The following PNISR variants were observed in gnomAD, a reference collection of about 807,000 sequenced individuals.
PNISR encodes the protein arginine/serine-rich protein PNISR.
Under a neutral mutation model 93.4 loss-of-function variants are expected in PNISR, and 20 were observed. The observed-to-expected ratio is 0.21, with a 90% confidence interval of 0.15 to 0.31. The LOEUF (loss-of-function observed/expected upper bound fraction) is 0.31, where lower values mean the gene tolerates loss of function less well. PNISR is among the 10% of genes least tolerant of loss of function. The probability of loss-of-function intolerance (pLI) is 1.00; values close to 1 mark genes in which losing one functional copy is unlikely to be tolerated. For missense variants in PNISR, 893 were observed against 985.4 expected, an observed-to-expected ratio of 0.91 and a Z score of 1.25; for synonymous variants, 305 against 306.5, an observed-to-expected ratio of 0.99 and a Z score of 0.05.
At chr6:99,408,365 T>A in intron 6 of PNISR, 94 bp from the exon 7 acceptor site, 1 of 837,330 alleles carries the variant, frequency 1.2e-6, no homozygotes, top group Non-Finnish European at 1.9e-6. Context: ...TTAAATATCA[T>A]GCCTTTCTTC....
chr6:99,421,142 A>G (rs1189765938), intron 1 of PNISR, among the ~76,000 whole-genome samples: 8 of 152,188 alleles, frequency 5.3e-5, no homozygotes, highest in Non-Finnish European at 7.4e-5. Context: ...TTGATTAATG[A>G]CGGGCAAGGC....
At position 99,407,479 on chromosome 6, in the gene PNISR, C is replaced by G. The variant is rs561921162; in HGVS notation, c.864+602G>C. On this transcript the variant is annotated intron_variant, in intron 7 of 11. Transcript: ENST00000369239. Reference sequence around the variant, plus strand: ...AGTAATTTATGGAATTGAAGCAAAACTAATACCTGCCAAAATCTAGTTATT... The same window carrying G: ...AGTAATTTATGGAATTGAAGCAAAAGTAATACCTGCCAAAATCTAGTTATT... Among the ~76,000 whole-genome samples, 4 of 152,000 alleles carry G rather than the reference C, an allele frequency of 2.6e-5. No individual in the cohort carries two copies. The East Asian group carries it at 7.7e-4, about 29-fold the overall frequency.
At chr6:99,401,838 T>A (rs1177322485) in intron 11 of PNISR, among the ~76,000 whole-genome samples, 2 of 152,202 alleles carry the variant, frequency 1.3e-5, no homozygotes, top group Admixed American at 1.3e-4. Context: ...AAAAATATTA[T>A]CATTTCAACA....
intron 7 of PNISR, 34 bp from the exon 8 acceptor site, chr6:99,406,202 A>G (rs1776140334): frequency 1.4e-6 from 2 of 1,431,436 alleles, no homozygotes; most frequent in Non-Finnish European, 1.9e-6. Flanking sequence ...GTCCAAATTC[A>G]TGTGTATAAT....
rs745423139 is a variant in PNISR, at chr6:99,408,162, T to C, written c.783A>G (p.Ser261=). 6.2e-7 allele frequency: 1 copy of C among 1,613,778 alleles called. No individual in the cohort carries two copies. Among genetic ancestry groups the C allele is most frequent in the South Asian group, 1.1e-5 (1 of 91,030 alleles). ...CCTTTTTTTCTTTTTTGGACAATTG[T>C]GAACGTTGTTGTTCCATTCTTTCTT... The part of the protein sequence containing the change: ...LEKERMEQQR[S]QLSKKEKKAT... The change falls in exon 7 of 12, where the codon TCA becomes TCG. Residue 261 remains serine, a synonymous_variant. Transcript: ENST00000369239.
At chr6:99,402,903 A>G (rs988844523) in intron 10 of PNISR, 193 bp from the exon 11 acceptor site, 7 of 428,410 alleles carry the variant, frequency 1.6e-5, no homozygotes, top group South Asian at 6.8e-5. Flanking sequence ...AGGTTACTTA[A>G]TATCTTATTC....
chr6:99,413,909 A>G (rs1386829743), intron 3 of PNISR, among the ~76,000 whole-genome samples: 1 of 152,232 alleles, frequency 6.6e-6, no homozygotes, highest in African/African-American at 2.4e-5. Context: ...AGTGAATAAC[A>G]ATATGTACAC....
rs750806364 is a variant in PNISR, at chr6:99,400,795, A to T, written c.2163T>A (p.Phe721Leu). ...TAACAGATATAGAACCACTCCTAGAAAATGTTCTTTCACTTTCTCGTTTCC... is the reference window on the plus strand; with the variant it reads ...TAACAGATATAGAACCACTCCTAGATAATGTTCTTTCACTTTCTCGTTTCC... ...LKRKRESERT[F>L]SRSGSISVKI... The change falls in exon 12 of 12, where the codon TTT (phenylalanine) becomes TTA (leucine). Residue 721 changes from phenylalanine to leucine, a missense_variant. Coordinates refer to ENST00000369239, the MANE Select transcript of PNISR (RefSeq NM_032870.4). The T allele has an allele frequency of 2.5e-6, 4 of 1,612,390 alleles. No individual in the cohort carries two copies. In the South Asian group the frequency reaches 4.4e-5, roughly 18 times the overall value.
chr6:99,414,272 A>C (rs1475472943), intron 3 of PNISR, among the ~76,000 whole-genome samples: 1 of 152,236 alleles, frequency 6.6e-6, no homozygotes, highest in African/African-American at 2.4e-5. Context: ...GAATTCACAG[A>C]AGTGTTCTCC....
At chr6:99,419,262 G>A (rs912118022) in intron 1 of PNISR, among the ~76,000 whole-genome samples, 1 of 149,226 alleles carries the variant, frequency 6.7e-6, no homozygotes, top group Non-Finnish European at 1.5e-5. Context: ...TTCCACCGCA[G>A]GGTCCTAAAC....
chr6:99,422,496 C>T (rs1778694622), intron 1 of PNISR, among the ~76,000 whole-genome samples: 1 of 152,138 alleles, frequency 6.6e-6, no homozygotes, highest in African/African-American at 2.4e-5. Flanking sequence ...ATTCGAAATA[C>T]GGAAAACAGA....
At chr6:99,404,532 A>G in intron 9 of PNISR, 71 bp downstream of exon 9, 1 of 815,888 alleles carries the variant, frequency 1.2e-6, no homozygotes, top group South Asian at 1.3e-5. Flanking sequence ...AAGGACAACA[A>G]AAAAAGGCCA....
intron 4 of PNISR, among the ~76,000 whole-genome samples, chr6:99,411,192 G>A (rs1016753564): frequency 6.6e-6 from 1 of 152,090 alleles, no homozygotes; most frequent in Non-Finnish European, 1.5e-5. Flanking sequence ...CTAACCAAAT[G>A]CCCAAAGTTA....
intron 10 of PNISR, 41 bp from the exon 11 acceptor site, chr6:99,402,751 T>C (rs1014892346): frequency 7.0e-7 from 1 of 1,428,872 alleles, no homozygotes; most frequent in Admixed American, 2.3e-5. Flanking sequence ...AAAAAAATTA[T>C]ACTATGCACT....
Position 99,401,025 on chromosome 6 carries a change from G to GT in PNISR, c.1932_1933insA (p.Gln645ThrfsTer6). Reference sequence around the variant, plus strand: ...CTGTTCCCACTAAGATTTCCACGTTGATCATCAATTTTACGCCTATCTCGA... The same window carrying GT: ...CTGTTCCCACTAAGATTTCCACGTTGTATCATCAATTTTACGCCTATCTCGA... On this transcript the variant is annotated frameshift_variant, in exon 12 of 12. Coordinates refer to ENST00000369239, the MANE Select transcript of PNISR (RefSeq NM_032870.4). LOFTEE classifies it high-confidence loss of function. 1 of 1,613,518 alleles carries GT rather than the reference G, an allele frequency of 6.2e-7. No individual in the cohort carries two copies. Among genetic ancestry groups the GT allele is most frequent in the Non-Finnish European group, 8.5e-7 (1 of 1,179,894 alleles).
rs370424249 is a variant in PNISR at position 99,411,001 on chromosome 6, G to A, written c.278-37C>T. The A allele has an allele frequency of 1.4e-3, 1,972 of 1,457,284 alleles. 3 individuals are homozygous for A. The highest frequency in any genetic ancestry group is 1.7e-3 in the Non-Finnish European group (1,722 of 1,042,574). 90.3% of individuals were successfully genotyped at this position (1,457,284 alleles called of 1,614,324 possible). A position where few individuals can be genotyped will look rare whatever the true frequency, so the allele number is the denominator to read the frequency against. On this transcript the variant is annotated intron_variant, in intron 4 of 11. Transcript: ENST00000369239. The stretch of plus-strand genomic sequence containing the variant: ...TTAGGCATAAAAACATTCAACAGGC[G>A]GTTATAACAAAATCAACACAGAATT...
Position 99,419,542 on chromosome 6 carries a change from GA to G in PNISR, c.-111-3115del, listed in dbSNP as rs1252466978. Among the ~76,000 whole-genome samples the G allele has an allele frequency of 2.6e-5, 4 of 152,076 alleles. No homozygotes were observed. The East Asian group carries it at 7.7e-4, about 29-fold the overall frequency. On this transcript the variant is annotated intron_variant, in intron 1 of 11. Coordinates refer to ENST00000369239, the MANE Select transcript of PNISR (RefSeq NM_032870.4). Reference sequence around the variant, plus strand: ...ATATAAGTCCAAATTTCATTTTCATGACCAGAGTTACCTGTTTTGGATAAGA... The same window carrying G: ...ATATAAGTCCAAATTTCATTTTCATGCCAGAGTTACCTGTTTTGGATAAGA...
intron 6 of PNISR, among the ~76,000 whole-genome samples, 164 bp from the exon 7 acceptor site, chr6:99,408,435 A>G (rs1336505653): frequency 6.6e-6 from 1 of 152,148 alleles, no homozygotes; most frequent in East Asian, 1.9e-4. Flanking sequence ...ATCTGCCAGG[A>G]CACAATGAAA....
chr6:99,410,723 C>A lies in PNISR; in HGVS notation c.501+18G>T. On this transcript the variant is annotated intron_variant, in intron 5 of 11. Coordinates refer to ENST00000369239, the MANE Select transcript of PNISR (RefSeq NM_032870.4). ...TACGTGCACATCTACAATATTAAAG[C>A]AACAAAATATCTTTCACCTGATAGT... 6.3e-7 allele frequency: 1 copy of A among 1,580,368 alleles called. No homozygotes were observed.
Sources: allele counts gnomAD v4.1 joint callset (sites outside exome capture counted in the v4.1 genomes callset), GRCh38; gene constraint gnomAD v4.1.1; transcripts MANE v1.5; gene names NCBI Gene and HGNC (gene_info 2026-07-23, HGNC 2026-07-21).